The following IFT80 variants were observed in gnomAD, a reference collection of about 807,000 sequenced individuals.
The protein encoded by IFT80 is intraflagellar transport protein 80 homolog.
A neutral mutation model predicts 107.9 loss-of-function variants in IFT80; 79 were observed. The observed-to-expected ratio is 0.73, with a 90% CI of 0.61 to 0.88. The LOEUF (loss-of-function observed/expected upper bound fraction) is 0.88, where lower values mean the gene tolerates loss of function less well. Among genes scored for constraint, IFT80 ranks in the 40% least tolerant of loss-of-function variants. The probability of loss-of-function intolerance (pLI) is 0.00; values close to 1 mark genes in which losing one functional copy is unlikely to be tolerated. For synonymous variants in IFT80, 299 were observed against 300.9 expected (o/e 0.99, Z 0.07); for missense variants, 797 against 914.2 (o/e 0.87, Z 1.65).
intron 12 of IFT80, among the ~76,000 whole-genome samples, chr3:160,296,406 A>G (rs935264266): frequency 1.3e-5 from 2 of 152,040 alleles, no homozygotes; most frequent in Non-Finnish European, 2.9e-5. Flanking sequence ...AGGAGTGTCT[A>G]TTGCTCATAC....
intron 8 of IFT80, among the ~76,000 whole-genome samples, chr3:160,333,507 T>C (rs1719233384): frequency 6.6e-6 from 1 of 152,202 alleles, no homozygotes; most frequent in African/African-American, 2.4e-5. Flanking sequence ...ATCCTTATTC[T>C]TTATGTTTTT....
intron 1 of IFT80, among the ~76,000 whole-genome samples, chr3:160,387,482 C>T (rs558517767): frequency 1.3e-5 from 2 of 152,086 alleles, no homozygotes; most frequent in African/African-American, 4.8e-5. Flanking sequence ...CCAGCCTGGG[C>T]GTCAGAGTGA....
intron 9 of IFT80, among the ~76,000 whole-genome samples, chr3:160,311,538 G>A (rs1717249260): frequency 6.6e-6 from 1 of 152,116 alleles, no homozygotes; most frequent in Non-Finnish European, 1.5e-5. Flanking sequence ...AAAAAGACAC[G>A]AATATTTTTG....
At chr3:160,328,233 G>A (rs1186069759) in intron 8 of IFT80, among the ~76,000 whole-genome samples, 2 of 151,954 alleles carry the variant, frequency 1.3e-5, no homozygotes, top group African/African-American at 2.4e-5. Context: ...AGCCTGAGGC[G>A]GGTGGATCAC....
chr3:160,287,383 G>A (rs780472360), intron 12 of IFT80, among the ~76,000 whole-genome samples: 4 of 152,158 alleles, frequency 2.6e-5, no homozygotes, highest in South Asian at 4.1e-4. Flanking sequence ...TGAAATAGGA[G>A]CAGTCTTGTG....
At chr3:160,283,376 A>C (rs998967498) in intron 13 of IFT80, among the ~76,000 whole-genome samples, 1 of 152,230 alleles carries the variant, frequency 6.6e-6, no homozygotes, top group Non-Finnish European at 1.5e-5. Context: ...TGTGAATTCA[A>C]CCAGAATAAT....
At chr3:160,359,285 T>G (rs187675587) in intron 6 of IFT80, among the ~76,000 whole-genome samples, 3 of 152,224 alleles carry the variant, frequency 2.0e-5, no homozygotes. Flanking sequence ...TAAGCCATAT[T>G]TAACTTGACC....
intron 9 of IFT80, among the ~76,000 whole-genome samples, chr3:160,308,062 T>C (rs1201385995): frequency 1.3e-5 from 2 of 152,170 alleles, no homozygotes; most frequent in African/African-American, 4.8e-5. Flanking sequence ...AATGGAGTGA[T>C]ATAAAAAATA....
chr3:160,280,078 T>G (rs998299780), intron 15 of IFT80, among the ~76,000 whole-genome samples: 10 of 152,214 alleles, frequency 6.6e-5, no homozygotes, highest in African/African-American at 2.4e-4. Context: ...TCAAAACAGA[T>G]TTGAAAACTA....
chr3:160,282,627 T>A lies in IFT80; in HGVS notation c.1381-14A>T, dbSNP rs1459459186. Reference sequence around the variant, plus strand: ...CAAGATTTCATTCTAAAATTTTTTTTAAATGTAAATACTGGGTTAGTTTTA... The same window carrying A: ...CAAGATTTCATTCTAAAATTTTTTTAAAATGTAAATACTGGGTTAGTTTTA... On this transcript the variant is annotated splice_polypyrimidine_tract_variant and intron_variant, in intron 13 of 19. Coordinates refer to ENST00000326448, the MANE Select transcript of IFT80 (RefSeq NM_020800.3). 3 of 1,486,066 alleles carry A rather than the reference T, an allele frequency of 2.0e-6. No individual in the cohort carries two copies. The highest frequency in any genetic ancestry group is 2.3e-5 in the East Asian group (1 of 44,032). The allele number at this position is 1,486,066 out of a possible 1,614,324, so 92.1% of individuals were successfully genotyped here. A position where few individuals can be genotyped will look rare whatever the true frequency, so the allele number is the denominator to read the frequency against.
intron 12 of IFT80, among the ~76,000 whole-genome samples, chr3:160,291,833 A>C (rs1715582303): frequency 6.6e-6 from 1 of 152,174 alleles, no homozygotes; most frequent in Non-Finnish European, 1.5e-5. Context: ...CTTCCCCTTC[A>C]AGGTTCAAAA....
At position 160,277,437 on chromosome 3, in the gene IFT80, T is replaced by G; in HGVS notation, c.1968A>C (p.Pro656=). Residue 656 remains proline (P), a synonymous_variant, in exon 18 of 20, where the codon CCA becomes CCC. Transcript: ENST00000326448. ...TGTGGGCCATTTTTGATTCTTTAGA[T>G]GGAAGATTTTTTATAGAATTGATGT... ...VQYINSIKNL[P]SKESKMAHIL... 2 of 1,611,162 alleles carry G rather than the reference T, an allele frequency of 1.2e-6. No individual in the cohort carries two copies. The highest frequency in any genetic ancestry group is 1.7e-6 in the Non-Finnish European group (2 of 1,177,530).
At chr3:160,306,347 G>C (rs954092783) in intron 10 of IFT80, among the ~76,000 whole-genome samples, 1 of 151,970 alleles carries the variant, frequency 6.6e-6, no homozygotes, top group Non-Finnish European at 1.5e-5. Flanking sequence ...TAGAATAATG[G>C]GGAAGTTATT....
intron 8 of IFT80, 135 bp downstream of exon 8, chr3:160,355,878 T>C: frequency 1.9e-6 from 2 of 1,077,078 alleles, no homozygotes; most frequent in Non-Finnish European, 2.8e-6. Flanking sequence ...TGAACCAGCA[T>C]ATTAAGAAGA....
At chr3:160,336,785 T>TGC (rs1719512028) in intron 8 of IFT80, among the ~76,000 whole-genome samples, 1 of 152,060 alleles carries the variant, frequency 6.6e-6, no homozygotes, top group African/African-American at 2.4e-5. Flanking sequence ...CTGTTCTATT[T>TGC]GCTCTCTCTC....
intron 6 of IFT80, among the ~76,000 whole-genome samples, chr3:160,364,851 G>A (rs369722251): frequency 6.6e-5 from 10 of 152,048 alleles, no homozygotes; most frequent in Admixed American, 4.6e-4. Context: ...AGGGCCTGTC[G>A]TAAGGTGGGG....
intron 7 of IFT80, among the ~76,000 whole-genome samples, chr3:160,357,026 A>T (rs553613894): frequency 6.6e-6 from 1 of 152,316 alleles, no homozygotes; most frequent in African/African-American, 2.4e-5. Flanking sequence ...ACTGAACTCA[A>T]ATTGAGTCAC....
chr3:160,366,408 T>C (rs916579314), intron 5 of IFT80, among the ~76,000 whole-genome samples: 1 of 152,044 alleles, frequency 6.6e-6, no homozygotes, highest in Admixed American at 6.6e-5. Context: ...TGAGAAAATA[T>C]GGAGTTTTTA....
At chr3:160,282,360 C>T in intron 14 of IFT80, 118 bp downstream of exon 14, 1 of 724,614 alleles carries the variant, frequency 1.4e-6, no homozygotes, top group East Asian at 2.8e-5. Context: ...GGTTAAATAG[C>T]TAAGAAGTAT....
Sources: gnomAD v4.1 joint callset for allele counts (sites outside exome capture counted in the v4.1 genomes callset) on GRCh38, gnomAD v4.1.1 for gene constraint, MANE v1.5 for transcripts, NCBI Gene and HGNC (gene_info 2026-07-23, HGNC 2026-07-21) for gene names.